The following PLEKHA2 variants were observed in gnomAD, a reference collection of about 807,000 sequenced individuals.
PLEKHA2 encodes pleckstrin homology domain containing A2, also known as pleckstrin homology domain-containing family A member 2.
In PLEKHA2, 28 loss-of-function variants were observed where a neutral mutation model predicts 53.2. That is an observed-to-expected ratio of 0.53 (90% CI 0.39 to 0.72). The LOEUF (loss-of-function observed/expected upper bound fraction) is 0.72. Among genes scored for constraint, PLEKHA2 ranks in the 30% least tolerant of loss-of-function variants. The pLI, the probability that PLEKHA2 is intolerant of heterozygous loss-of-function variation, is 0.00. For synonymous variants in PLEKHA2, 193 were observed against 196.4 expected, an observed-to-expected ratio of 0.98 and a Z score of 0.14; for missense variants, 426 against 537.9, an observed-to-expected ratio of 0.79 and a Z score of 2.06.
chr8:38,903,927 T>G (rs977876919), intron 1 of PLEKHA2, among the ~76,000 whole-genome samples: 5 of 152,224 alleles, frequency 3.3e-5, no homozygotes, highest in African/African-American at 1.2e-4. Context: ...TGCCTTACTT[T>G]CCGTTTTCCA....
chr8:38,928,123 A>T (rs984673439), intron 2 of PLEKHA2, among the ~76,000 whole-genome samples: 3 of 151,452 alleles, frequency 2.0e-5, no homozygotes, highest in African/African-American at 7.3e-5. Context: ...GAAAGGGCTG[A>T]TGGAGTTGGC....
chr8:38,969,515 CT>C lies in PLEKHA2; in HGVS notation c.1013del (p.Leu338TrpfsTer60). The C allele has an allele frequency of 6.2e-7, 1 of 1,613,626 alleles. No homozygotes were observed. Among genetic ancestry groups the C allele is most frequent in the Non-Finnish European group, 8.5e-7 (1 of 1,179,722 alleles). On this transcript the variant is annotated frameshift_variant, in exon 12 of 12. Coordinates refer to ENST00000617275, the MANE Select transcript of PLEKHA2 (RefSeq NM_021623.2). LOFTEE classifies it high-confidence loss of function. ...TCTATCCTGTGCAGGGGGCGGCCACCTTTGGAGGAAAAGAAAGCCCTCTGCA... is the reference window on the plus strand; with the variant it reads ...TCTATCCTGTGCAGGGGGCGGCCACCTTGGAGGAAAAGAAAGCCCTCTGCA... Reference protein sequence around the residue: ...PNSILCRGRPPLEEKKALCKA... With the variant: ...PNSILCRGRPXLEEKKALCKA...
chr8:38,954,497 A>G (rs1488674482), intron 9 of PLEKHA2, among the ~76,000 whole-genome samples: 1 of 152,182 alleles, frequency 6.6e-6, no homozygotes, highest in African/African-American at 2.4e-5. Context: ...ACTTACGGTT[A>G]AATCCTAAGA....
Position 38,918,668 on chromosome 8 carries a change from TACAC to T in PLEKHA2, c.141+605_141+608del, listed in dbSNP as rs1182640300. ...CACATACACCATACACACACCCCCA[TACAC>T]ACACACCCCCACGCACACCACACAC... On this transcript the variant is annotated intron_variant, in intron 2 of 11. Coordinates refer to ENST00000617275, the MANE Select transcript of PLEKHA2 (RefSeq NM_021623.2). Among the ~76,000 whole-genome samples the T allele has an allele frequency of 8.5e-5, 10 of 117,584 alleles. No homozygotes were observed. In the South Asian group the frequency reaches 2.3e-3, roughly 27 times the overall value. 77.1% of individuals were successfully genotyped at this position (117,584 alleles called of 152,430 possible). A position where few individuals can be genotyped will look rare whatever the true frequency, so the allele number is the denominator to read the frequency against.
chr8:38,960,415 G>GC, intron 10 of PLEKHA2, among the ~76,000 whole-genome samples: 1 of 152,138 alleles, frequency 6.6e-6, no homozygotes. Flanking sequence ...GGAGTTTGAA[G>GC]TTGCAGTTAG....
intron 3 of PLEKHA2, among the ~76,000 whole-genome samples, chr8:38,936,637 G>C (rs1034972245): frequency 6.6e-6 from 1 of 152,248 alleles, no homozygotes; most frequent in African/African-American, 2.4e-5. Flanking sequence ...CATTTGTACA[G>C]AAGGGGCCGG....
chr8:38,958,364 A>G (rs1230251533), intron 10 of PLEKHA2, among the ~76,000 whole-genome samples: 1 of 152,096 alleles, frequency 6.6e-6, no homozygotes, highest in Non-Finnish European at 1.5e-5. Flanking sequence ...AAAAACTGAC[A>G]AGTAAGCAGG....
chr8:38,972,745 G>A lies in PLEKHA2; in HGVS notation c.*2962G>A, dbSNP rs1448621492. On this transcript the variant is annotated 3_prime_UTR_variant, in exon 12 of 12. Coordinates refer to ENST00000617275, the MANE Select transcript of PLEKHA2 (RefSeq NM_021623.2). ...ATGCAGTATAGATTAGTGACTAAGT[G>A]CATAGGCTCTGGAGTAAATCTGAGT... 1 of 151,822 alleles carries A rather than the reference G, an allele frequency of 6.6e-6. No individual in the cohort carries two copies. Among genetic ancestry groups the A allele is most frequent in the Non-Finnish European group, 1.5e-5 (1 of 67,982 alleles). The allele number at this position is 151,822 out of a possible 1,614,324, so 9.4% of individuals were successfully genotyped here.
intron 2 of PLEKHA2, among the ~76,000 whole-genome samples, chr8:38,925,587 G>T (rs935310698): frequency 6.6e-6 from 1 of 152,170 alleles, no homozygotes; most frequent in Non-Finnish European, 1.5e-5. Flanking sequence ...CAAAAAGATT[G>T]CATGGCTCTT....
intron 2 of PLEKHA2, among the ~76,000 whole-genome samples, chr8:38,927,025 T>C (rs1361210933): frequency 2.0e-5 from 3 of 152,214 alleles, no homozygotes; most frequent in Admixed American, 2.0e-4. Flanking sequence ...GCTAAACAGA[T>C]AGAAGCTATG....
intron 2 of PLEKHA2, among the ~76,000 whole-genome samples, chr8:38,933,944 CAG>C (rs1036027727): frequency 6.6e-6 from 1 of 151,902 alleles, no homozygotes; most frequent in Non-Finnish European, 1.5e-5. Context: ...AACGTGAGTG[CAG>C]AGTCTTTTCT....
At chr8:38,957,254 C>T in intron 9 of PLEKHA2, 69 bp from the exon 10 acceptor site, 1 of 1,301,218 alleles carries the variant, frequency 7.7e-7, no homozygotes, top group Non-Finnish European at 1.1e-6. Context: ...GCACTGGGGT[C>T]TTAGGACATA....
chr8:38,902,493 G>A (rs1343034681), intron 1 of PLEKHA2, among the ~76,000 whole-genome samples: 1 of 152,186 alleles, frequency 6.6e-6, no homozygotes, highest in Non-Finnish European at 1.5e-5. Flanking sequence ...GTAAACGGCA[G>A]AGAAGAGGGA....
chr8:38,969,183 G>A (rs909455308), intron 11 of PLEKHA2, among the ~76,000 whole-genome samples: 1 of 152,214 alleles, frequency 6.6e-6, no homozygotes, highest in East Asian at 1.9e-4. Context: ...TTTCAGGCAT[G>A]AGCCACCACG....
At chr8:38,915,135 G>A (rs1030855961) in intron 1 of PLEKHA2, among the ~76,000 whole-genome samples, 4 of 152,004 alleles carry the variant, frequency 2.6e-5, no homozygotes, top group Admixed American at 6.6e-5. Context: ...TTGTGGAGAC[G>A]AGGTCTCACT....
chr8:38,952,058 T>G, intron 6 of PLEKHA2, 108 bp from the exon 7 acceptor site: 1 of 1,363,944 alleles, frequency 7.3e-7, no homozygotes, highest in Non-Finnish European at 1.0e-6. Flanking sequence ...CATTTATTTC[T>G]TCTTTGACTT....
intron 1 of PLEKHA2, among the ~76,000 whole-genome samples, chr8:38,913,942 G>T (rs975766670): frequency 6.6e-6 from 1 of 152,184 alleles, no homozygotes; most frequent in Non-Finnish European, 1.5e-5. Context: ...CCCTGGGTCT[G>T]TCCGCAGGTG....
chr8:38,965,320 G>T (rs956686834), intron 10 of PLEKHA2, among the ~76,000 whole-genome samples: 1 of 152,158 alleles, frequency 6.6e-6, no homozygotes, highest in Non-Finnish European at 1.5e-5. Flanking sequence ...AGTCAGGCAG[G>T]TGGCCTGTGG....
intron 2 of PLEKHA2, among the ~76,000 whole-genome samples, chr8:38,931,085 C>A (rs1834384468): frequency 1.3e-5 from 2 of 152,178 alleles, no homozygotes; most frequent in Non-Finnish European, 2.9e-5. Context: ...TGAGATCAGC[C>A]TGGCCAATAT....
Sources: gnomAD v4.1 joint callset for allele counts (sites outside exome capture counted in the v4.1 genomes callset) on GRCh38, gnomAD v4.1.1 for gene constraint, MANE v1.5 for transcripts, NCBI Gene and HGNC (gene_info 2026-07-23, HGNC 2026-07-21) for gene names.